LRRN4: variants seen among roughly 807,000 people sequenced by gnomAD.
LRRN4 encodes the protein leucine rich repeat neuronal 4.
In LRRN4, 26 loss-of-function variants were observed where a neutral mutation model predicts 22.3. The observed-to-expected ratio is 1.16, with a 90% CI of 0.85 to 1.62. The LOEUF (loss-of-function observed/expected upper bound fraction) is 1.62. Ranked by LOEUF, LRRN4 falls within the 40% of genes most tolerant of loss-of-function variation. The probability of loss-of-function intolerance (pLI) is 0.00; values close to 1 mark genes in which losing one functional copy is unlikely to be tolerated. For missense variants in LRRN4, 1,070 were observed against 1,008.5 expected (o/e 1.06, Z -0.83); for synonymous variants, 496 against 486.2 (o/e 1.02, Z -0.26).
intron 4 of LRRN4, among the ~76,000 whole-genome samples, chr20:6,042,535 G>A (rs1234758292): frequency 6.6e-6 from 1 of 152,126 alleles, no homozygotes; most frequent in Non-Finnish European, 1.5e-5. Flanking sequence ...CCTACCCCGG[G>A]GCAAGCACTG....
chr20:6,046,125 C>T lies in LRRN4; in HGVS notation c.861-1445G>A, dbSNP rs8116605. The stretch of plus-strand genomic sequence containing the variant: ...AGGAGTTTCAGACTAGCCTGGGAAA[C>T]ATAGCAAGACCCTGTCTCTACAAAA... On this transcript the variant is annotated intron_variant, in intron 3 of 4. Coordinates refer to ENST00000378858, the MANE Select transcript of LRRN4 (RefSeq NM_152611.5). 1.2e-3 allele frequency among the ~76,000 whole-genome samples: 183 copies of T among 148,308 alleles called. 6 individuals carry two copies. The highest frequency in any genetic ancestry group is 4.3e-3 in the African/African-American group (178 of 40,968).
Position 6,041,062 on chromosome 20 carries a change from G to A in LRRN4, c.2183C>T (p.Ala728Val), listed in dbSNP as rs1321999032. ...GAGCCCCAGCGGGTAATCATCAAAG[G>A]CCGGGTTTTTGTAGGCCACCAGGTG... ...DTHLVAYKNPAFDDYPLGLQT... is the reference protein window; with the variant it reads ...DTHLVAYKNPVFDDYPLGLQT... The change falls in exon 5 of 5, where the codon GCC (alanine) becomes GTC (valine). Residue 728 changes from alanine to valine, a missense_variant. Ala to Val is a moderately conservative substitution (Grantham distance 64, BLOSUM62 0). Coordinates refer to ENST00000378858, the MANE Select transcript of LRRN4 (RefSeq NM_152611.5). The surrounding 1 kb of genome is among the most constrained non-coding windows in gnomAD (Gnocchi z 9.4). The A allele has an allele frequency of 1.9e-6, 3 of 1,613,998 alleles. No homozygotes were observed. The Admixed American group carries it at 5.0e-5, about 27-fold the overall frequency.
At position 6,041,202 on chromosome 20, in the gene LRRN4, C is replaced by T. The variant is rs142765128; in HGVS notation, c.2043G>A (p.Ala681=). 5.2e-4 allele frequency: 829 copies of T among 1,588,772 alleles called. 1 individual carries two copies. In the African/African-American group the frequency reaches 9.9e-3, roughly 19 times the overall value. ...CAAFTTKPSF[A]LLLSGLCAAS... ...CGGCGCACAGCCCAGAGAGCAGGAGCGCGAAGCTGGGCTTGGTGGTGAAGG... is the reference window on the plus strand; with the variant it reads ...CGGCGCACAGCCCAGAGAGCAGGAGTGCGAAGCTGGGCTTGGTGGTGAAGG... The change falls in exon 5 of 5, where the codon GCG becomes GCA. Residue 681 remains alanine, a synonymous_variant. Coordinates refer to ENST00000378858, the MANE Select transcript of LRRN4 (RefSeq NM_152611.5). The surrounding 1 kb of genome is among the most constrained non-coding windows in gnomAD (Gnocchi z 9.4).
In LRRN4 at chr20:6,041,885, T is replaced by G; in HGVS notation, c.1360A>C (p.Arg454=). The G allele has an allele frequency of 6.2e-7, 1 of 1,614,134 alleles. No homozygotes were observed. Among genetic ancestry groups the G allele is most frequent in the Non-Finnish European group, 8.5e-7 (1 of 1,179,990 alleles). ...GCATGTTCTCCTCGGTGCTGGGTCCTGGTGGTGCTGGCAGCCCTGGGGAAA... is the reference window on the plus strand; with the variant it reads ...GCATGTTCTCCTCGGTGCTGGGTCCGGGTGGTGCTGGCAGCCCTGGGGAAA... ...SVFPRAASTT[R]TQHRGEHAPE... The change falls in exon 5 of 5, where the codon AGG becomes CGG. Residue 454 remains arginine (R), a synonymous_variant. Transcript: ENST00000378858. The surrounding 1 kb of genome is among the most constrained non-coding windows in gnomAD (Gnocchi z 9.4).
chr20:6,041,392 C>A lies in LRRN4; in HGVS notation c.1853G>T (p.Gly618Val), dbSNP rs761578982. The A allele has an allele frequency of 1.3e-5, 20 of 1,578,140 alleles. No homozygotes were observed. In the East Asian group the frequency reaches 3.6e-4, roughly 28 times the overall value. ...CACCACCGACTGGTTCCCCGCCCAG[C>A]CCTCCGCAGAGTAGCGGATCTGGTA... Reference protein sequence around the residue: ...HGYQIRYSAEGWAGNQSVVGV... With the variant: ...HGYQIRYSAEVWAGNQSVVGV... Residue 618 changes from glycine to valine, a missense_variant, in exon 5 of 5, where the codon GGC (glycine) becomes GTC (valine). Physicochemically the swap from Gly to Val is moderately radical, Grantham distance 109 (BLOSUM62 -3). Coordinates refer to ENST00000378858, the MANE Select transcript of LRRN4 (RefSeq NM_152611.5). This position sits in a 1 kb window ranked among gnomAD's most constrained non-coding sequence, Gnocchi z 9.4.
In LRRN4 at chr20:6,041,231, C is replaced by G; in HGVS notation, c.2014G>C (p.Ala672Pro). ...PRSSGWRSPC[A>P]AFTTKPSFAL... is the part of the protein sequence containing the mutation. ...AAGCTGGGCTTGGTGGTGAAGGCGG[C>G]GCACGGGCTCCTCCAGCCCGAAGAC... The change falls in exon 5 of 5, where the codon GCC becomes CCC. Residue 672 changes from alanine (A) to proline (P), a missense_variant. Coordinates refer to ENST00000378858, the MANE Select transcript of LRRN4 (RefSeq NM_152611.5). This position sits in a 1 kb window ranked among gnomAD's most constrained non-coding sequence, Gnocchi z 9.4. 1.9e-6 allele frequency: 3 copies of G among 1,580,302 alleles called. No homozygotes were observed. Among genetic ancestry groups the G allele is most frequent in the Non-Finnish European group, 2.6e-6 (3 of 1,162,732 alleles).
chr20:6,052,453 C>T lies in LRRN4; in HGVS notation c.347G>A (p.Trp116Ter). 1 of 1,556,524 alleles carries T rather than the reference C, an allele frequency of 6.4e-7. No individual in the cohort carries two copies. Among genetic ancestry groups the T allele is most frequent in the Non-Finnish European group, 8.6e-7 (1 of 1,160,000 alleles). The change falls in exon 2 of 5, where the codon TGG becomes TAG. Residue 116 changes from tryptophan (W) to a stop codon, truncating the protein, a stop_gained. Coordinates refer to ENST00000378858, the MANE Select transcript of LRRN4 (RefSeq NM_152611.5). LOFTEE classifies it high-confidence loss of function. ...LRHNRIAALR[W>*]GPGGPAGLHT... ...CAGCCCCGCCGGCCCACCCGGGCCC[C>T]AGCGCAGCGCGGCGATGCGGTTGTG... is the stretch of plus-strand genomic sequence containing the variant.
At chr20:6,043,597 T>G (rs886319452) in intron 4 of LRRN4, among the ~76,000 whole-genome samples, 1 of 151,930 alleles carries the variant, frequency 6.6e-6, no homozygotes, top group African/African-American at 2.4e-5. Flanking sequence ...ACAGCTGGGC[T>G]TGGGTGGGAG....
intron 2 of LRRN4, 111 bp downstream of exon 2, chr20:6,052,034 C>T: frequency 7.5e-7 from 1 of 1,341,510 alleles, no homozygotes; most frequent in Non-Finnish European, 9.9e-7. Context: ...CTCCTACGAG[C>T]TGGGCACCCG....
At position 6,040,902 on chromosome 20, in the gene LRRN4, G is replaced by T; in HGVS notation, c.*120C>A. On this transcript the variant is annotated 3_prime_UTR_variant, in exon 5 of 5. Transcript: ENST00000378858. ...GTGGCAAGTTCCATGTGTGCTCAAG[G>T]CATTCTGGCTTCACGGGAATTAGAA... is the stretch of plus-strand genomic sequence containing the variant. 1 of 1,367,076 alleles carries T rather than the reference G, an allele frequency of 7.3e-7. No homozygotes were observed. The allele number at this position is 1,367,076 out of a possible 1,614,324, so 84.7% of individuals were successfully genotyped here.
chr20:6,046,159 A>G (rs1383825279), intron 3 of LRRN4, among the ~76,000 whole-genome samples: 1 of 148,182 alleles, frequency 6.7e-6, no homozygotes, highest in African/African-American at 2.4e-5. Flanking sequence ...AAAAAATTTA[A>G]CAATTGGCCA....
chr20:6,040,692 C>T lies in LRRN4; in HGVS notation c.*330G>A, dbSNP rs970917417. 1.4e-5 allele frequency: 4 copies of T among 282,934 alleles called. No homozygotes were observed. The highest frequency in any genetic ancestry group is 1.1e-3 in the Middle Eastern group (1 of 900). The allele number at this position is 282,934 out of a possible 1,614,324, so 17.5% of individuals were successfully genotyped here. On this transcript the variant is annotated 3_prime_UTR_variant, in exon 5 of 5. Coordinates refer to ENST00000378858, the MANE Select transcript of LRRN4 (RefSeq NM_152611.5). ...TGCAACTTCTCTGTTTCATCCCTTC[C>T]TACGTCCATACACTATTCTACTGGA...
chr20:6,043,116 A>G (rs1427224861), intron 4 of LRRN4, among the ~76,000 whole-genome samples: 4 of 152,184 alleles, frequency 2.6e-5, no homozygotes, highest in Non-Finnish European at 5.9e-5. Context: ...TCAAATCAAC[A>G]GTAGTAAGTA....
chr20:6,043,243 T>C (rs1393309982), intron 4 of LRRN4, among the ~76,000 whole-genome samples: 1 of 151,948 alleles, frequency 6.6e-6, no homozygotes, highest in African/African-American at 2.4e-5. Context: ...ACCTCGTCTC[T>C]ACCAAAACAA....
In LRRN4 at chr20:6,041,344, C is replaced by A; in HGVS notation, c.1901G>T (p.Arg634Leu). The part of the protein sequence containing the change: ...SVVGVIYATA[R>L]QHPLYGLSPG... ...CGACAGCCCGTACAGAGGGTGCTGC[C>A]GGGCCGTGGCGTAGATGACCCCCAC... The change falls in exon 5 of 5, where the codon CGG becomes CTG. Residue 634 changes from arginine (R) to leucine (L), a missense_variant. Arg to Leu is a moderately radical substitution (Grantham distance 102, BLOSUM62 -2). Transcript: ENST00000378858. This position sits in a 1 kb window ranked among gnomAD's most constrained non-coding sequence, Gnocchi z 9.4. 6.3e-7 allele frequency: 1 copy of A among 1,596,854 alleles called. No homozygotes were observed. The highest frequency in any genetic ancestry group is 8.5e-7 in the Non-Finnish European group (1 of 1,174,928).
At chr20:6,051,447 G>T (rs1344388197) in intron 2 of LRRN4, among the ~76,000 whole-genome samples, 1 of 152,196 alleles carries the variant, frequency 6.6e-6, no homozygotes, top group African/African-American at 2.4e-5. Flanking sequence ...CATGGAGAAC[G>T]TGCCCCTTCC....
intron 3 of LRRN4, among the ~76,000 whole-genome samples, 186 bp downstream of exon 3, chr20:6,050,593 T>C (rs540289872): frequency 6.6e-6 from 1 of 152,336 alleles, no homozygotes; most frequent in African/African-American, 2.4e-5. Context: ...CAAGGCTAGA[T>C]GGCTGGGTGG....
intron 3 of LRRN4, among the ~76,000 whole-genome samples, chr20:6,046,146 C>CA (rs1445075805): frequency 6.8e-6 from 1 of 147,630 alleles, no homozygotes; most frequent in Non-Finnish European, 1.5e-5. Flanking sequence ...CCTGTCTCTA[C>CA]AAAAAAAATT....
intron 4 of LRRN4, 31 bp downstream of exon 4, chr20:6,044,512 C>T (rs1391071159): frequency 2.7e-6 from 4 of 1,461,636 alleles, no homozygotes; most frequent in Non-Finnish European, 3.6e-6. Context: ...TGACCCTCTG[C>T]CCTCAGCCAT....
Sources: gnomAD v4.1 joint callset for allele counts (sites outside exome capture counted in the v4.1 genomes callset) on GRCh38, gnomAD v4.1.1 for gene constraint, Gnocchi (gnomAD v3.1) non-coding constraint, MANE v1.5 for transcripts, NCBI Gene and HGNC (gene_info 2026-07-23, HGNC 2026-07-21) for gene names.